The following SIM2 variants were observed in gnomAD, a reference collection of about 807,000 sequenced individuals.
The protein encoded by SIM2 is single-minded homolog 2.
SIM2 carries 28 observed loss-of-function variants against 64.8 expected under a neutral mutation model. That is an observed-to-expected ratio of 0.43 (90% CI 0.32 to 0.59). SIM2 has a LOEUF of 0.59. Ranked by LOEUF, SIM2 falls within the 20% of genes least tolerant of loss-of-function variation. The pLI is 0.07. For missense variants in SIM2, 847 were observed against 871.4 expected (o/e 0.97, Z 0.35); for synonymous variants, 408 against 391.1 (o/e 1.04, Z -0.51).
At chr21:36,743,609 G>A in intron 9 of SIM2, 54 bp downstream of exon 9, 2 of 1,491,054 alleles carry the variant, frequency 1.3e-6, no homozygotes, top group African/African-American at 1.4e-5. Context: ...TAGGGGTTCG[G>A]GACACCTGGA....
rs1252274577 is a variant in SIM2, at chr21:36,747,607, G to T, written c.1577-58G>T. On this transcript the variant is annotated intron_variant, in intron 10 of 10. Coordinates refer to ENST00000290399, the MANE Select transcript of SIM2 (RefSeq NM_005069.6). This position sits in a 1 kb window ranked among gnomAD's most constrained non-coding sequence, Gnocchi z 4.5. ...TGGTGGCTGCGCCCGGGGCTTGGGG[G>T]TGGGGTGGCTGCGGCCGCGCCCCTT... is the stretch of plus-strand genomic sequence containing the variant. The T allele has an allele frequency of 2.5e-5, 29 of 1,145,726 alleles. No homozygotes were observed. The highest frequency in any genetic ancestry group is 3.0e-5 in the Non-Finnish European group (28 of 926,252). 71.0% of individuals were successfully genotyped at this position (1,145,726 alleles called of 1,614,324 possible).
chr21:36,733,560 A>AT (rs60888276), intron 7 of SIM2, among the ~76,000 whole-genome samples: 4,297 of 134,088 alleles, frequency 0.032, 159 homozygotes, highest in African/African-American at 0.09. Context: ...GGAAGCAGGG[A>AT]TTTTTTTTTT....
At chr21:36,735,397 C>T (rs778745412) in intron 7 of SIM2, among the ~76,000 whole-genome samples, 21 of 152,326 alleles carry the variant, frequency 1.4e-4, no homozygotes, top group Admixed American at 2.6e-4. Context: ...TTCTCCCTTC[C>T]GAGCCCTGTC....
chr21:36,700,038 G>T, intron 1 of SIM2, 117 bp downstream of exon 1: 1 of 1,094,230 alleles, frequency 9.1e-7, no homozygotes, highest in South Asian at 1.6e-5. Context: ...CAGAGCTGGG[G>T]CGTCTGAGGG....
intron 3 of SIM2, among the ~76,000 whole-genome samples, chr21:36,713,130 C>A (rs931961929): frequency 1.3e-5 from 2 of 152,138 alleles, no homozygotes; most frequent in Non-Finnish European, 2.9e-5. Context: ...CTGACTTTTT[C>A]CAGTTCAGTG....
Position 36,748,096 on chromosome 21 carries a change from GCTGGCCGCCCGCGCCAGGAGC to G in SIM2, c.*9_*29del. The G allele has an allele frequency of 8.3e-7, 1 of 1,198,672 alleles. No individual in the cohort carries two copies. The highest frequency in any genetic ancestry group is 3.3e-4 in the Middle Eastern group (1 of 3,018). 74.3% of individuals were successfully genotyped at this position (1,198,672 alleles called of 1,614,324 possible). ...CATCATCACCAACGGGAGGTGACCC[GCTGGCCGCCCGCGCCAGGAGC>G]CTGGACCCGGCCTCCCGGGGCTGCG... On this transcript the variant is annotated 3_prime_UTR_variant, in exon 11 of 11. Transcript: ENST00000290399.
chr21:36,743,203 C>G (rs2089186083), intron 8 of SIM2, among the ~76,000 whole-genome samples, 184 bp from the exon 9 acceptor site: 1 of 152,182 alleles, frequency 6.6e-6, no homozygotes, highest in Non-Finnish European at 1.5e-5. Context: ...GTGGCCCAGC[C>G]TGGGGCTGCA....
intron 5 of SIM2, among the ~76,000 whole-genome samples, chr21:36,724,618 G>A (rs2088866294): frequency 6.6e-6 from 1 of 152,124 alleles, no homozygotes; most frequent in Non-Finnish European, 1.5e-5. Flanking sequence ...CTTATTAACT[G>A]TCCGCTGTCC....
intron 8 of SIM2, 35 bp from the exon 9 acceptor site, chr21:36,743,352 T>C (rs2089188236): frequency 6.3e-7 from 1 of 1,583,858 alleles, no homozygotes; most frequent in Non-Finnish European, 8.6e-7. Flanking sequence ...CTCCAGCGCC[T>C]GCTGGACATG....
intron 1 of SIM2, among the ~76,000 whole-genome samples, chr21:36,707,693 C>T (rs1004850272): frequency 6.6e-6 from 1 of 151,940 alleles, no homozygotes; most frequent in Non-Finnish European, 1.5e-5. Flanking sequence ...GAGGTCGAGG[C>T]CTCCAGAGAC....
intron 2 of SIM2, among the ~76,000 whole-genome samples, chr21:36,711,073 A>G (rs1478562467): frequency 4.6e-5 from 7 of 152,206 alleles, no homozygotes; most frequent in African/African-American, 1.7e-4. Context: ...GTTATTATAC[A>G]CGTAAGTGAA....
At chr21:36,742,931 C>G (rs2089181664) in intron 8 of SIM2, among the ~76,000 whole-genome samples, 1 of 152,150 alleles carries the variant, frequency 6.6e-6, no homozygotes, top group Admixed American at 6.5e-5. Flanking sequence ...GAGATGGGCC[C>G]CCGATGTGAG....
intron 7 of SIM2, among the ~76,000 whole-genome samples, chr21:36,737,647 A>T (rs566861773): frequency 1.4e-3 from 206 of 152,344 alleles, no homozygotes; most frequent in African/African-American, 4.0e-3. Flanking sequence ...CCTGCCCAGA[A>T]TGGGCCAAGC....
chr21:36,737,986 A>AAAAAAAAAAAAAACAAC (rs2089097424), intron 7 of SIM2, among the ~76,000 whole-genome samples: 1 of 149,408 alleles, frequency 6.7e-6, no homozygotes, highest in African/African-American at 2.4e-5. Flanking sequence ...AAAAAAAGCA[A>AAAAAAAAAAAAAACAAC]AAAAAAAGCA....
intron 1 of SIM2, among the ~76,000 whole-genome samples, chr21:36,702,939 G>A (rs201200883): frequency 3.1e-5 from 4 of 131,134 alleles, no homozygotes; most frequent in Non-Finnish European, 3.1e-5. Context: ...ACTCTGGGAG[G>A]AAGAAAAAAA....
chr21:36,743,689 G>A (rs2089193241), intron 9 of SIM2, 134 bp downstream of exon 9: 2 of 881,772 alleles, frequency 2.3e-6, no homozygotes, highest in African/African-American at 1.7e-5. Context: ...GGTCCCTCTG[G>A]GATGTCTTGC....
chr21:36,740,778 C>A (rs886322816), intron 7 of SIM2, among the ~76,000 whole-genome samples: 13 of 152,328 alleles, frequency 8.5e-5, no homozygotes, highest in Admixed American at 2.0e-4. Flanking sequence ...ACAGACTCAG[C>A]CCCTTTGGCC....
chr21:36,736,711 A>ACTT (rs1555876847), intron 7 of SIM2, among the ~76,000 whole-genome samples: 3 of 141,556 alleles, frequency 2.1e-5, no homozygotes, highest in Non-Finnish European at 4.6e-5. Flanking sequence ...CCCAGAACTA[A>ACTT]CTTCCTTCCC....
At chr21:36,705,221 C>A (rs1277422578) in intron 1 of SIM2, among the ~76,000 whole-genome samples, 1 of 152,232 alleles carries the variant, frequency 6.6e-6, no homozygotes, top group Non-Finnish European at 1.5e-5. Context: ...GCGCAGAAAG[C>A]TCCAGGATCC....
Sources: gnomAD v4.1 joint callset for allele counts (sites outside exome capture counted in the v4.1 genomes callset) on GRCh38, gnomAD v4.1.1 for gene constraint, Gnocchi (gnomAD v3.1) non-coding constraint, MANE v1.5 for transcripts, NCBI Gene and HGNC (gene_info 2026-07-23, HGNC 2026-07-21) for gene names.